SRGAP1: variants seen among roughly 807,000 people sequenced by gnomAD.
The protein encoded by SRGAP1 is SLIT-ROBO Rho GTPase activating protein 1, also known as SLIT-ROBO Rho GTPase-activating protein 1.
A neutral mutation model predicts 121.9 loss-of-function variants in SRGAP1; 43 were observed. The ratio of observed to expected loss-of-function variants is 0.35; its 90% CI spans 0.28 to 0.46. The LOEUF is 0.46. Ranked by LOEUF, SRGAP1 falls within the 20% of genes least tolerant of loss-of-function variation. The pLI is 1.00. For synonymous variants in SRGAP1, 447 were observed against 485.4 expected (o/e 0.92, Z 1.04); for missense variants, 1,102 against 1,350.9 (o/e 0.82, Z 2.89).
intron 4 of SRGAP1, among the ~76,000 whole-genome samples, chr12:64,037,587 T>G (rs2136497304): frequency 6.6e-6 from 1 of 152,356 alleles, no homozygotes; most frequent in Middle Eastern, 3.4e-3. Context: ...ACTTATCTAA[T>G]CTTATCCTTC....
chr12:64,038,176 G>T (rs2034938767), intron 4 of SRGAP1, among the ~76,000 whole-genome samples: 1 of 152,096 alleles, frequency 6.6e-6, no homozygotes, highest in African/African-American at 2.4e-5. Context: ...TTTCTAGAAG[G>T]ATTAAATATG....
intron 1 of SRGAP1, among the ~76,000 whole-genome samples, chr12:63,955,153 A>G (rs1007142899): frequency 5.9e-5 from 9 of 152,250 alleles, no homozygotes; most frequent in Middle Eastern, 3.4e-3. Flanking sequence ...CCCCATCTCT[A>G]CTAAAAATAC....
intron 1 of SRGAP1, among the ~76,000 whole-genome samples, chr12:63,978,079 C>T (rs2033139966): frequency 6.6e-6 from 1 of 152,076 alleles, no homozygotes; most frequent in Admixed American, 6.6e-5. Context: ...GGACATTTGA[C>T]AAAAAGTACC....
chr12:64,099,563 A>G (rs1046061790), intron 15 of SRGAP1, among the ~76,000 whole-genome samples: 3 of 152,132 alleles, frequency 2.0e-5, no homozygotes, highest in Non-Finnish European at 4.4e-5. Context: ...CTGATGTCCC[A>G]TTGGAATTTA....
intron 4 of SRGAP1, chr12:64,032,639 A>T: frequency 2.8e-6 from 1 of 363,038 alleles, no homozygotes; most frequent in Non-Finnish European, 5.1e-6. Flanking sequence ...TAAATTCTGG[A>T]TGACGTGATT....
At chr12:63,966,634 G>A (rs2032798190) in intron 1 of SRGAP1, among the ~76,000 whole-genome samples, 1 of 152,004 alleles carries the variant, frequency 6.6e-6, no homozygotes, top group Non-Finnish European at 1.5e-5. Context: ...GGGGGTGAGG[G>A]AAGGAATGGG....
chr12:63,963,176 C>A (rs1408578933), intron 1 of SRGAP1, among the ~76,000 whole-genome samples: 1 of 152,082 alleles, frequency 6.6e-6, no homozygotes, highest in African/African-American at 2.4e-5. Context: ...ACAGGAACCA[C>A]CAGTTAAGAG....
intron 3 of SRGAP1, among the ~76,000 whole-genome samples, chr12:64,006,542 C>A (rs1033653708): frequency 6.6e-6 from 1 of 152,106 alleles, no homozygotes; most frequent in African/African-American, 2.4e-5. Context: ...ATTAAGGATG[C>A]TAAGAGAGTT....
At position 64,095,219 on chromosome 12, in the gene SRGAP1, A is replaced by G. The variant is rs2270731; in HGVS notation, c.1678+15A>G. On this transcript the variant is annotated intron_variant, in intron 14 of 21. Transcript: ENST00000355086. Reference sequence around the variant, plus strand: ...ATTTGAGAGAGGTAATTGCACGTCTATCCCTATAAGCAAACCACGTTGAAA... The same window carrying G: ...ATTTGAGAGAGGTAATTGCACGTCTGTCCCTATAAGCAAACCACGTTGAAA... 77,975 of 1,610,730 alleles carry G rather than the reference A, an allele frequency of 0.048. 2,733 individuals are homozygous for G. Among genetic ancestry groups the G allele is most frequent in the Middle Eastern group, 0.17 (928 of 5,618 alleles).
intron 1 of SRGAP1, among the ~76,000 whole-genome samples, chr12:63,949,161 CAT>C (rs1400039732): frequency 4.2e-5 from 5 of 118,688 alleles, no homozygotes; most frequent in African/African-American, 1.5e-4. Flanking sequence ...ATGTATTTTC[CAT>C]ATATATATTT....
chr12:63,851,543 G>A (rs1899073367), intron 1 of SRGAP1, among the ~76,000 whole-genome samples: 2 of 151,842 alleles, frequency 1.3e-5, no homozygotes, highest in Admixed American at 6.6e-5. Context: ...CTGTAAAATA[G>A]GGATAATAGT....
chr12:63,948,373 T>C (rs1407290154), intron 1 of SRGAP1, among the ~76,000 whole-genome samples: 1 of 152,150 alleles, frequency 6.6e-6, no homozygotes, highest in East Asian at 1.9e-4. Context: ...TGTTTTTCTC[T>C]TAACAAAAAT....
intron 1 of SRGAP1, among the ~76,000 whole-genome samples, chr12:63,968,834 C>G (rs145981915): frequency 5.3e-4 from 80 of 152,328 alleles, no homozygotes; most frequent in African/African-American, 1.9e-3. Context: ...GCCCTGCAGA[C>G]TGCTCGCTTG....
Position 64,145,556 on chromosome 12 carries a change from C to CT in SRGAP1, c.*2897dup, listed in dbSNP as rs763638921. The stretch of plus-strand genomic sequence containing the variant: ...CTATACTCCTATTGTCAGCTTGAGA[C>CT]TTTTTTTTTTTTTCAATTCCAAATG... On this transcript the variant is annotated 3_prime_UTR_variant, in exon 22 of 22. Coordinates refer to ENST00000355086, the MANE Select transcript of SRGAP1 (RefSeq NM_020762.4). 1.6e-3 allele frequency: 239 copies of CT among 145,330 alleles called. No individual in the cohort carries two copies. The highest frequency in any genetic ancestry group is 4.4e-3 in the East Asian group (22 of 4,978). 9.0% of individuals were successfully genotyped at this position (145,330 alleles called of 1,614,324 possible).
chr12:63,927,414 C>T (rs948251919), intron 1 of SRGAP1, among the ~76,000 whole-genome samples: 3 of 152,166 alleles, frequency 2.0e-5, no homozygotes, highest in South Asian at 2.1e-4. Flanking sequence ...ATCCTGTGGC[C>T]GACCATCAGG....
intron 10 of SRGAP1, among the ~76,000 whole-genome samples, chr12:64,085,947 G>T (rs2035928923): frequency 6.6e-6 from 1 of 152,134 alleles, no homozygotes; most frequent in African/African-American, 2.4e-5. Context: ...TTAATCAATA[G>T]ATATTAACCA....
chr12:64,047,999 T>C (rs777373391), intron 6 of SRGAP1, among the ~76,000 whole-genome samples: 5 of 152,170 alleles, frequency 3.3e-5, no homozygotes, highest in Non-Finnish European at 7.4e-5. Context: ...CAATTATATG[T>C]TTTTAGTTAT....
At chr12:63,908,273 G>A (rs1336661664) in intron 1 of SRGAP1, among the ~76,000 whole-genome samples, 1 of 152,040 alleles carries the variant, frequency 6.6e-6, no homozygotes, top group Non-Finnish European at 1.5e-5. Flanking sequence ...GATAGGGATT[G>A]CGTTGAATCT....
intron 1 of SRGAP1, among the ~76,000 whole-genome samples, chr12:63,857,517 T>G (rs1280592588): frequency 5.9e-5 from 9 of 151,910 alleles, no homozygotes; most frequent in Non-Finnish European, 1.0e-4. Context: ...AAGTAGCTGG[T>G]ATTACAGGTG....
Sources: allele counts gnomAD v4.1 joint callset (sites outside exome capture counted in the v4.1 genomes callset), GRCh38; gene constraint gnomAD v4.1.1; transcripts MANE v1.5; gene names NCBI Gene and HGNC (gene_info 2026-07-23, HGNC 2026-07-21).